Variants in TYW1B observed in about 807,000 individuals in gnomAD.
TYW1B encodes the protein tRNA-yW synthesizing protein 1 homolog B.
In TYW1B, 73 loss-of-function variants were observed where a neutral mutation model predicts 86.9. The ratio of observed to expected loss-of-function variants is 0.84; its 90% CI spans 0.70 to 1.02. The LOEUF (loss-of-function observed/expected upper bound fraction) is 1.02, where lower values mean the gene tolerates loss of function less well. TYW1B is among the 50% of genes least tolerant of loss of function. The pLI, the probability that TYW1B is intolerant of heterozygous loss-of-function variation, is 0.00. For synonymous variants in TYW1B, 248 were observed against 292.8 expected, an observed-to-expected ratio of 0.85 and a Z score of 1.56; for missense variants, 637 against 827.4, an observed-to-expected ratio of 0.77 and a Z score of 2.82.
At chr7:72,721,888 C>T (rs1428821810) in intron 9 of TYW1B, among the ~76,000 whole-genome samples, 4 of 152,118 alleles carry the variant, frequency 2.6e-5, no homozygotes, top group African/African-American at 7.2e-5. Flanking sequence ...AAAGCCAGAA[C>T]TTAAGATCCT....
chr7:72,770,315 G>GCTA (rs781867695), intron 7 of TYW1B, among the ~76,000 whole-genome samples: 4 of 150,476 alleles, frequency 2.7e-5, no homozygotes, highest in Non-Finnish European at 5.9e-5. Flanking sequence ...TGTAGGCCCA[G>GCTA]CTACTCGGGA....
intron 12 of TYW1B, among the ~76,000 whole-genome samples, chr7:72,619,761 G>A (rs2129568488): frequency 6.6e-6 from 1 of 151,756 alleles, no homozygotes; most frequent in South Asian, 2.1e-4. Flanking sequence ...AGTCATAAAA[G>A]TGTACTCTAT....
intron 13 of TYW1B, among the ~76,000 whole-genome samples, chr7:72,598,567 G>C (rs1238678679): frequency 1.3e-5 from 2 of 151,882 alleles, no homozygotes; most frequent in East Asian, 1.9e-4. Context: ...TGTAGAAGAA[G>C]TTTTAAAAAG....
intron 11 of TYW1B, among the ~76,000 whole-genome samples, chr7:72,661,027 C>T (rs543859859): frequency 9.4e-5 from 14 of 149,368 alleles, no homozygotes; most frequent in African/African-American, 2.7e-4. Context: ...CCCAGCTATT[C>T]GGGAGGCTGA....
intron 7 of TYW1B, among the ~76,000 whole-genome samples, chr7:72,756,567 G>T (rs1303460398): frequency 6.6e-6 from 1 of 152,080 alleles, no homozygotes; most frequent in East Asian, 1.9e-4. Flanking sequence ...ACCAATATCA[G>T]TAAAGAGACT....
chr7:72,603,322 TGATGGATGGATGGATGGATGGATG>T (rs34898249), intron 13 of TYW1B, among the ~76,000 whole-genome samples: 1 of 137,804 alleles, frequency 7.3e-6, no homozygotes, highest in African/African-American at 3.2e-5. Context: ...GACAGATAGA[TGATGGATGGATGGATGGATGGATG>T]GATGGATGGA....
intron 11 of TYW1B, among the ~76,000 whole-genome samples, chr7:72,670,621 G>C (rs1429963291): frequency 2.0e-5 from 3 of 152,226 alleles, no homozygotes; most frequent in Non-Finnish European, 4.4e-5. Context: ...TGCCCTGGGA[G>C]TCAAACACTC....
At chr7:72,656,569 G>C in intron 11 of TYW1B, among the ~76,000 whole-genome samples, 1 of 151,910 alleles carries the variant, frequency 6.6e-6, no homozygotes, top group South Asian at 2.1e-4. Flanking sequence ...GATCGAGATC[G>C]CGCCACTGCA....
At chr7:72,663,761 CAAAAAAAAAA>C (rs1177247717) in intron 11 of TYW1B, among the ~76,000 whole-genome samples, 2 of 57,846 alleles carry the variant, frequency 3.5e-5, no homozygotes, top group Non-Finnish European at 5.8e-5. Context: ...GACTCCATCT[CAAAAAAAAAA>C]AAAAAAAAAA....
chr7:72,699,499 C>CT (rs1484481133), intron 10 of TYW1B, among the ~76,000 whole-genome samples: 2 of 152,320 alleles, frequency 1.3e-5, no homozygotes, highest in East Asian at 3.9e-4. Flanking sequence ...TCCCCTGTGC[C>CT]TCCCACTTAT....
chr7:72,753,219 A>C (rs559556626), intron 7 of TYW1B, among the ~76,000 whole-genome samples: 8 of 152,264 alleles, frequency 5.3e-5, no homozygotes, highest in African/African-American at 1.9e-4. Context: ...AACTCTAATT[A>C]GATATTATTT....
chr7:72,679,916 C>T lies in TYW1B; in HGVS notation c.1506+14771G>A, dbSNP rs138077539. On this transcript the variant is annotated intron_variant, in intron 11 of 13. Coordinates refer to ENST00000620995, the MANE Select transcript of TYW1B (RefSeq NM_001145440.3). ...AGGCCAAAGCGAGAGGATCACTTGA[C>T]GCCAGGAGTTCGAGACCAACCTGAG... 1.6e-4 allele frequency among the ~76,000 whole-genome samples: 25 copies of T among 152,222 alleles called. No homozygotes were observed. In the East Asian group the frequency reaches 4.4e-3, roughly 27 times the overall value.
chr7:72,755,325 G>A (rs1787567543), intron 7 of TYW1B, among the ~76,000 whole-genome samples: 1 of 152,146 alleles, frequency 6.6e-6, no homozygotes. Flanking sequence ...AGGCTGAGTT[G>A]GGAGGATCAC....
intron 11 of TYW1B, among the ~76,000 whole-genome samples, chr7:72,671,671 CTTAT>C (rs1170718266): frequency 1.3e-5 from 2 of 151,832 alleles, no homozygotes; most frequent in Non-Finnish European, 2.9e-5. Context: ...ATTTCTTTTC[CTTAT>C]TTTTCTATTT....
At position 72,744,455 on chromosome 7, in the gene TYW1B, G is replaced by T. The variant is rs782191530; in HGVS notation, c.1082+29C>A. Reference sequence around the variant, plus strand: ...GATTACCACAGCTCATTACATATTCGATCACCATGACCTTTCATTTTTACT... The same window carrying T: ...GATTACCACAGCTCATTACATATTCTATCACCATGACCTTTCATTTTTACT... On this transcript the variant is annotated intron_variant, in intron 8 of 13. Coordinates refer to ENST00000620995, the MANE Select transcript of TYW1B (RefSeq NM_001145440.3). 3.1e-6 allele frequency: 5 copies of T among 1,594,916 alleles called. No homozygotes were observed. The East Asian group carries it at 1.1e-4, about 36-fold the overall frequency.
chr7:72,634,357 T>C (rs868932903), intron 11 of TYW1B, among the ~76,000 whole-genome samples: 5 of 131,686 alleles, frequency 3.8e-5, no homozygotes, highest in Admixed American at 7.8e-5. Flanking sequence ...TTTTTTTTTC[T>C]TTTTTTTTTT....
chr7:72,727,828 A>AG (rs1311691446), intron 9 of TYW1B, among the ~76,000 whole-genome samples: 8 of 144,468 alleles, frequency 5.5e-5, no homozygotes, highest in African/African-American at 1.0e-4. Flanking sequence ...AAAAAAAAAA[A>AG]AAAAAGAAGA....
chr7:72,693,670 C>G (rs1814230512), intron 11 of TYW1B, among the ~76,000 whole-genome samples: 1 of 152,158 alleles, frequency 6.6e-6, no homozygotes, highest in Non-Finnish European at 1.5e-5. Flanking sequence ...GCTGGGATTA[C>G]AGGTGTGAGC....
chr7:72,828,088 C>A lies in TYW1B; in HGVS notation c.-13G>T, dbSNP rs782549546. 3.1e-6 allele frequency: 5 copies of A among 1,613,944 alleles called. No individual in the cohort carries two copies. In the Admixed American group the frequency reaches 8.3e-5, roughly 27 times the overall value. On this transcript the variant is annotated 5_prime_UTR_variant, in exon 1 of 14. Coordinates refer to ENST00000620995, the MANE Select transcript of TYW1B (RefSeq NM_001145440.3). The stretch of plus-strand genomic sequence containing the variant: ...TGCCCTTACCCATCCTCCTCAGAGC[C>A]GACAGGAGACTAGGATCTCGGACCT...
Sources: gnomAD v4.1 joint callset for allele counts (sites outside exome capture counted in the v4.1 genomes callset) on GRCh38, gnomAD v4.1.1 for gene constraint, MANE v1.5 for transcripts, NCBI Gene and HGNC (gene_info 2026-07-23, HGNC 2026-07-21) for gene names.